The following NPAS3 variants were observed in gnomAD, a reference collection of about 807,000 sequenced individuals.
NPAS3 encodes the protein neuronal PAS domain-containing protein 3.
NPAS3 carries 14 observed loss-of-function variants against 73.1 expected under a neutral mutation model. The observed-to-expected ratio is 0.19, with a 90% CI of 0.13 to 0.30. The LOEUF (loss-of-function observed/expected upper bound fraction) is 0.30. Among genes scored for constraint, NPAS3 ranks in the 10% least tolerant of loss-of-function variants. The probability of loss-of-function intolerance (pLI) is 1.00; values close to 1 mark genes in which losing one functional copy is unlikely to be tolerated. For missense variants in NPAS3, 1,096 were observed against 1,250.0 expected (o/e 0.88, Z 1.86); for synonymous variants, 620 against 541.5 (o/e 1.14, Z -2.01).
chr14:33,420,290 T>C (rs777499616), intron 4 of NPAS3, among the ~76,000 whole-genome samples: 6 of 151,978 alleles, frequency 3.9e-5, no homozygotes, highest in Non-Finnish European at 8.8e-5. Flanking sequence ...TGTGTAGTAT[T>C]GCATTTATGC....
At chr14:33,331,240 GA>G (rs1399134617) in intron 3 of NPAS3, among the ~76,000 whole-genome samples, 6 of 152,138 alleles carry the variant, frequency 3.9e-5, no homozygotes, top group Non-Finnish European at 5.9e-5. Context: ...ACATGTGCAA[GA>G]AAACTTCAAC....
At chr14:33,479,029 C>T (rs1019263560) in intron 4 of NPAS3, among the ~76,000 whole-genome samples, 5 of 152,184 alleles carry the variant, frequency 3.3e-5, no homozygotes, top group Admixed American at 2.0e-4. Context: ...TTGTCAATTC[C>T]GGCCAAATGA....
intron 6 of NPAS3, among the ~76,000 whole-genome samples, chr14:33,708,334 T>C (rs2140481589): frequency 6.6e-6 from 1 of 152,318 alleles, no homozygotes; most frequent in African/African-American, 2.4e-5. Context: ...AAGGGAGTAC[T>C]GGTGGGTGTG....
chr14:33,760,511 C>T (rs142242333), intron 7 of NPAS3, among the ~76,000 whole-genome samples: 233 of 152,150 alleles, frequency 1.5e-3, no homozygotes, highest in African/African-American at 5.0e-3. Flanking sequence ...ATTATTTGAC[C>T]GTGTAGAGAC....
At chr14:33,625,733 A>G (rs1025854465) in intron 5 of NPAS3, among the ~76,000 whole-genome samples, 1 of 152,216 alleles carries the variant, frequency 6.6e-6, no homozygotes, top group Non-Finnish European at 1.5e-5. Context: ...ACCAAAGGTA[A>G]TGCTGTGAGT....
chr14:33,243,357 C>G (rs1232365354), intron 3 of NPAS3, among the ~76,000 whole-genome samples: 3 of 151,976 alleles, frequency 2.0e-5, no homozygotes, highest in Non-Finnish European at 4.4e-5. Flanking sequence ...TAATGTATAT[C>G]AAGACTTTTT....
intron 4 of NPAS3, among the ~76,000 whole-genome samples, chr14:33,426,665 C>T (rs766543170): frequency 1.3e-5 from 2 of 151,910 alleles, no homozygotes; most frequent in Non-Finnish European, 2.9e-5. Flanking sequence ...AGGGAGAGTG[C>T]AGATGGGGTA....
intron 4 of NPAS3, among the ~76,000 whole-genome samples, chr14:33,491,534 T>G (rs2051898620): frequency 6.6e-6 from 1 of 152,116 alleles, no homozygotes; most frequent in African/African-American, 2.4e-5. Context: ...GGAGCTGAAT[T>G]TTAGATGTTC....
intron 3 of NPAS3, among the ~76,000 whole-genome samples, chr14:33,320,290 T>A (rs1213228918): frequency 6.6e-6 from 1 of 152,124 alleles, no homozygotes; most frequent in African/African-American, 2.4e-5. Context: ...AGGATACATT[T>A]CTATTCAGTA....
intron 6 of NPAS3, among the ~76,000 whole-genome samples, chr14:33,708,151 G>T (rs1045341727): frequency 1.3e-5 from 2 of 152,126 alleles, no homozygotes; most frequent in African/African-American, 4.8e-5. Context: ...CTGCCCTAAC[G>T]TAGGCAGGTT....
chr14:33,436,304 G>T (rs1272338796), intron 4 of NPAS3, among the ~76,000 whole-genome samples: 4 of 152,118 alleles, frequency 2.6e-5, no homozygotes, highest in Admixed American at 6.6e-5. Flanking sequence ...GCTTCAAGAA[G>T]GGCTTCAATA....
At chr14:33,559,686 A>T (rs1314945302) in intron 4 of NPAS3, among the ~76,000 whole-genome samples, 1 of 152,226 alleles carries the variant, frequency 6.6e-6, no homozygotes, top group Admixed American at 6.5e-5. Context: ...ATATTAAAAG[A>T]TCTTAGGACT....
At chr14:33,099,033 C>A (rs1387620203) in intron 2 of NPAS3, among the ~76,000 whole-genome samples, 3 of 152,138 alleles carry the variant, frequency 2.0e-5, no homozygotes, top group Non-Finnish European at 2.9e-5. Flanking sequence ...AAGAACCTTG[C>A]GGCCTTTTTC....
At chr14:33,420,123 A>T (rs1428378673) in intron 4 of NPAS3, among the ~76,000 whole-genome samples, 1 of 151,980 alleles carries the variant, frequency 6.6e-6, no homozygotes, top group African/African-American at 2.4e-5. Context: ...AGGCTGCTAA[A>T]TTTTTGTCAA....
chr14:33,463,999 G>C (rs1164802959), intron 4 of NPAS3, among the ~76,000 whole-genome samples: 1 of 152,172 alleles, frequency 6.6e-6, no homozygotes, highest in Non-Finnish European at 1.5e-5. Context: ...CCAGCCAGAA[G>C]GTTACTGCTG....
At chr14:33,336,585 G>A (rs1210356079) in intron 3 of NPAS3, among the ~76,000 whole-genome samples, 1 of 152,168 alleles carries the variant, frequency 6.6e-6, no homozygotes, top group Non-Finnish European at 1.5e-5. Flanking sequence ...TACCTGATTA[G>A]GACACCTGCC....
chr14:33,473,366 A>G (rs1451354255), intron 4 of NPAS3, among the ~76,000 whole-genome samples: 1 of 152,220 alleles, frequency 6.6e-6, no homozygotes, highest in Non-Finnish European at 1.5e-5. Context: ...GTCCTAGTTA[A>G]AAGATGCTGG....
At chr14:33,630,973 G>A (rs943013857) in intron 5 of NPAS3, among the ~76,000 whole-genome samples, 1 of 152,178 alleles carries the variant, frequency 6.6e-6, no homozygotes, top group Non-Finnish European at 1.5e-5. Flanking sequence ...ACTATTCTTT[G>A]TTTTGGTAAT....
At chr14:32,978,114 G>T (rs1364220702) in intron 1 of NPAS3, among the ~76,000 whole-genome samples, 2 of 152,092 alleles carry the variant, frequency 1.3e-5, no homozygotes, top group African/African-American at 4.8e-5. Context: ...TGAAGATGTG[G>T]GGGGGTGAGA....
Sources: allele counts gnomAD v4.1 joint callset (sites outside exome capture counted in the v4.1 genomes callset), GRCh38; gene constraint gnomAD v4.1.1; transcripts MANE v1.5; gene names NCBI Gene and HGNC (gene_info 2026-07-23, HGNC 2026-07-21).